GREB1: variants seen among roughly 807,000 people sequenced by gnomAD.
GREB1 encodes growth regulating estrogen receptor binding 1.
In GREB1, 106 loss-of-function variants were observed where a neutral mutation model predicts 200.7. The observed-to-expected ratio is 0.53, with a 90% confidence interval of 0.45 to 0.62. GREB1 has a LOEUF of 0.62. Ranked by LOEUF, GREB1 falls within the 20% of genes least tolerant of loss-of-function variation. GREB1 has a pLI of 0.00. For synonymous variants in GREB1, 1,132 were observed against 1,092.4 expected (o/e 1.04, Z -0.72); for missense variants, 2,243 against 2,556.8 (o/e 0.88, Z 2.65).
intron 24 of GREB1, 149 bp from the exon 25 acceptor site, chr2:11,626,813 G>C: frequency 1.4e-6 from 1 of 728,544 alleles, no homozygotes; most frequent in Non-Finnish European, 2.4e-6. Flanking sequence ...TGTCACGTCA[G>C]GGCCCAGGGA....
chr2:11,601,345 G>A (rs1681764026), intron 16 of GREB1, among the ~76,000 whole-genome samples: 1 of 152,176 alleles, frequency 6.6e-6, no homozygotes, highest in African/African-American at 2.4e-5. Context: ...TCCATACAGA[G>A]CAACGCTTAA....
At chr2:11,509,639 G>T (rs1190616320) in intron 1 of GREB1, among the ~76,000 whole-genome samples, 1 of 152,160 alleles carries the variant, frequency 6.6e-6, no homozygotes, top group African/African-American at 2.4e-5. Flanking sequence ...GTATTCAGAG[G>T]TGGGCCTTTA....
chr2:11,507,244 A>G (rs1673205902), intron 1 of GREB1, among the ~76,000 whole-genome samples: 1 of 152,112 alleles, frequency 6.6e-6, no homozygotes, highest in African/African-American at 2.4e-5. Context: ...CCCCATCTCT[A>G]CTAAAAATAC....
At chr2:11,615,347 C>T in intron 20 of GREB1, 57 bp downstream of exon 20, 1 of 1,453,124 alleles carries the variant, frequency 6.9e-7, no homozygotes, top group Non-Finnish European at 9.4e-7. Flanking sequence ...TTCTTGGCTT[C>T]TGAGCTTTGA....
At chr2:11,634,090 C>T (rs1475442338) in intron 28 of GREB1, 41 bp from the exon 29 acceptor site, 14 of 1,572,878 alleles carry the variant, frequency 8.9e-6, no homozygotes, top group Non-Finnish European at 1.1e-5. Flanking sequence ...TGCTGCTGCT[C>T]GTGTGTCAGC....
intron 3 of GREB1, among the ~76,000 whole-genome samples, chr2:11,564,217 T>C (rs530634491): frequency 6.6e-6 from 1 of 152,248 alleles, no homozygotes; most frequent in South Asian, 2.1e-4. Flanking sequence ...GCCCCATGTG[T>C]TCTGCCTTGG....
intron 11 of GREB1, among the ~76,000 whole-genome samples, chr2:11,593,607 C>T (rs538962660): frequency 6.6e-6 from 1 of 152,208 alleles, no homozygotes; most frequent in Admixed American, 6.5e-5. Flanking sequence ...CCACCTCAGC[C>T]TCCCAAGTAG....
At chr2:11,507,126 C>A (rs895484763) in intron 1 of GREB1, among the ~76,000 whole-genome samples, 15 of 151,898 alleles carry the variant, frequency 9.9e-5, no homozygotes, top group Non-Finnish European at 2.1e-4. Context: ...ATAGTAATAA[C>A]AACAGTAACA....
At chr2:11,624,284 T>C (rs1341947990) in intron 23 of GREB1, among the ~76,000 whole-genome samples, 1 of 152,078 alleles carries the variant, frequency 6.6e-6, no homozygotes, top group Non-Finnish European at 1.5e-5. Flanking sequence ...GTGCACTGTT[T>C]TACATTTTTT....
intron 19 of GREB1, among the ~76,000 whole-genome samples, chr2:11,614,174 T>C (rs1480130944): frequency 6.7e-6 from 1 of 150,202 alleles, no homozygotes; most frequent in Non-Finnish European, 1.5e-5. Context: ...TTGCCCAGGC[T>C]GGAGTGCAGT....
At chr2:11,634,688 T>C (rs1685165127) in intron 29 of GREB1, among the ~76,000 whole-genome samples, 3 of 152,200 alleles carry the variant, frequency 2.0e-5, no homozygotes, top group African/African-American at 7.2e-5. Flanking sequence ...GTCGCAGAAG[T>C]GCTCACATCT....
upstream of GREB1, among the ~76,000 whole-genome samples, chr2:11,531,684 C>T (rs572201159): frequency 6.6e-6 from 1 of 152,276 alleles, no homozygotes; most frequent in Non-Finnish European, 1.5e-5. Context: ...GATTCTCCTG[C>T]ATCAGCCTCC....
At position 11,595,292 on chromosome 2, in the gene GREB1, C is replaced by G; in HGVS notation, c.1738C>G (p.Pro580Ala). The G allele has an allele frequency of 6.2e-7, 1 of 1,613,934 alleles. No individual in the cohort carries two copies. Among genetic ancestry groups the G allele is most frequent in the East Asian group, 2.2e-5 (1 of 44,864 alleles). ...GATTCTTTCCGAGAGCCTTCTCACT[C>G]CTGCGGAGTACCAGAAGGAAGTCAA... The part of the protein sequence containing the change: ...ARILSESLLT[P>A]AEYQKEVNYE... Residue 580 changes from proline (P) to alanine (A), a missense_variant, in exon 12 of 33, where the codon CCT (proline) becomes GCT (alanine). Coordinates refer to ENST00000381486, the MANE Select transcript of GREB1 (RefSeq NM_014668.4).
At chr2:11,513,064 C>T (rs549386516) in intron 1 of GREB1, among the ~76,000 whole-genome samples, 17 of 152,236 alleles carry the variant, frequency 1.1e-4, no homozygotes, top group African/African-American at 3.1e-4. Flanking sequence ...GGAGCTGAAG[C>T]GCAAAGCTTA....
At chr2:11,622,875 A>G (rs1477409719) in intron 23 of GREB1, among the ~76,000 whole-genome samples, 1 of 152,240 alleles carries the variant, frequency 6.6e-6, no homozygotes. Flanking sequence ...GAGCAAAGCC[A>G]TTCTCACAGC....
At chr2:11,532,931 A>G (rs987530971), upstream of GREB1, among the ~76,000 whole-genome samples, 7 of 152,154 alleles carry the variant, frequency 4.6e-5, no homozygotes, top group African/African-American at 1.4e-4. Context: ...CAACCTTATG[A>G]TAGAGGTATT....
rs1680434116 is a variant in GREB1, at chr2:11,588,800, C to G, written c.1214C>G (p.Pro405Arg). 1 of 1,614,108 alleles carries G rather than the reference C, an allele frequency of 6.2e-7. No individual in the cohort carries two copies. The highest frequency in any genetic ancestry group is 8.5e-7 in the Non-Finnish European group (1 of 1,180,038). Residue 405 changes from proline to arginine, a missense_variant, in exon 10 of 33, where the codon CCC (proline) becomes CGC (arginine). Transcript: ENST00000381486. ...AACCTGAATGACGTCGTGGTCAGCC[C>G]CCTCTTGTACACGTGCTACCAGAAT... ...CGNLNDVVVS[P>R]LLYTCYQNSQ... is the part of the protein sequence containing the mutation.
rs531188104 is a variant in GREB1 at position 11,506,413 on chromosome 2, C to T, written c.-159+24032C>T. On this transcript the variant is annotated intron_variant, in intron 1 of 2. Coordinates refer to the GREB1 transcript ENST00000628795. ...GCCAATGGTAAGAGCACCTGAGGCC[C>T]AGGAATCAGAGCTTCTCTCCCCATG... Among the ~76,000 whole-genome samples the T allele has an allele frequency of 2.6e-5, 4 of 152,276 alleles. No homozygotes were observed. In the East Asian group the frequency reaches 5.8e-4, roughly 22 times the overall value.
chr2:11,611,952 A>T (rs1354760043), intron 18 of GREB1, among the ~76,000 whole-genome samples: 1 of 152,102 alleles, frequency 6.6e-6, no homozygotes, highest in Non-Finnish European at 1.5e-5. Flanking sequence ...CCAGCACTTT[A>T]GGAGGCCGAG....
Sources: gnomAD v4.1 joint callset for allele counts (sites outside exome capture counted in the v4.1 genomes callset) on GRCh38, gnomAD v4.1.1 for gene constraint, MANE v1.5 for transcripts, NCBI Gene and HGNC (gene_info 2026-07-23, HGNC 2026-07-21) for gene names.